The following GLT6D1 variants were observed in gnomAD, a reference collection of about 807,000 sequenced individuals.
GLT6D1 encodes glycosyltransferase 6 domain containing 1, also known as putative glycosyltransferase 6 domain-containing protein 1.
GLT6D1 carries 9 observed loss-of-function variants against 12.3 expected under a neutral mutation model. The observed-to-expected ratio is 0.73, with a 90% CI of 0.44 to 1.27. GLT6D1 has a LOEUF of 1.27. Ranked by LOEUF, GLT6D1 falls within the 50% of genes most tolerant of loss-of-function variation. The pLI, the probability that GLT6D1 is intolerant of heterozygous loss-of-function variation, is 0.00. For synonymous variants in GLT6D1, 128 were observed against 132.3 expected (o/e 0.97, Z 0.23); for missense variants, 335 against 346.2 (o/e 0.97, Z 0.26).
In GLT6D1 at chr9:135,624,731, T is replaced by C. The variant is rs1044943218; in HGVS notation, c.258-61A>G. On this transcript the variant is annotated intron_variant, in intron 4 of 4. Coordinates refer to ENST00000371763, the MANE Select transcript of GLT6D1 (RefSeq NM_182974.3). ...CTCTTTTTTCTTTTCTTTCTTTTTTTTTTTTTTTTTTTTTTTGAGATGGAG... is the reference window on the plus strand; with the variant it reads ...CTCTTTTTTCTTTTCTTTCTTTTTTCTTTTTTTTTTTTTTTTGAGATGGAG... 21 of 665,128 alleles carry C rather than the reference T, an allele frequency of 3.2e-5. No homozygotes were observed. In the East Asian group the frequency reaches 3.3e-4, roughly 10 times the overall value. 41.2% of individuals were successfully genotyped at this position (665,128 alleles called of 1,614,324 possible).
At position 135,624,213 on chromosome 9, in the gene GLT6D1, T is replaced by C. The variant is rs1159193062; in HGVS notation, c.715A>G (p.Ile239Val). 6 of 1,609,272 alleles carry C rather than the reference T, an allele frequency of 3.7e-6. No individual in the cohort carries two copies. Among genetic ancestry groups the C allele is most frequent in the Non-Finnish European group, 4.2e-6 (5 of 1,178,580 alleles). Residue 239 changes from isoleucine to valine, a missense_variant, in exon 5 of 5, where the codon ATT becomes GTT. Ile to Val is a conservative substitution (Grantham distance 29). Transcript: ENST00000371763. ...NLMVGGTPHN[I>V]LDFIKEYLNG... ...AGATATTCTTTGATGAAGTCTAAAA[T>C]ATTATGGGGTGTGCCACCAACCATC...
chr9:135,624,507 T>G lies in GLT6D1; in HGVS notation c.421A>C (p.Arg141=), dbSNP rs749992683. 6.2e-7 allele frequency: 1 copy of G among 1,614,056 alleles called. No individual in the cohort carries two copies. Among genetic ancestry groups the G allele is most frequent in the East Asian group, 2.2e-5 (1 of 44,870 alleles). ...ACCAGGGGGCCATCGAGCCACCACC[T>G]CTCGGTGCCCACTTTAAATGCTTTG... The part of the protein sequence containing the change: ...TFKAFKVGTE[R]WWLDGPLVHV... The change falls in exon 5 of 5, where the codon AGG becomes CGG. Residue 141 remains arginine (R), a synonymous_variant. Coordinates refer to ENST00000371763, the MANE Select transcript of GLT6D1 (RefSeq NM_182974.3).
In GLT6D1 at chr9:135,624,174, G is replaced by A. The variant is rs1385789922; in HGVS notation, c.754C>T (p.His252Tyr). Residue 252 changes from histidine to tyrosine, a missense_variant, in exon 5 of 5, where the codon CAT (histidine) becomes TAT (tyrosine). His to Tyr is a moderately conservative substitution (Grantham distance 83). Transcript: ENST00000371763. ...FIKEYLNGVI[H>Y]DIKNGLNSTY... ...CTATTGAGTCCATTTTTGATGTCAT[G>A]AATAACTCCGTTCAGATATTCTTTG... 1 of 1,613,080 alleles carries A rather than the reference G, an allele frequency of 6.2e-7. No individual in the cohort carries two copies. The highest frequency in any genetic ancestry group is 8.5e-7 in the Non-Finnish European group (1 of 1,179,650).
At chr9:135,630,131 C>T (rs140614818) in intron 3 of GLT6D1, among the ~76,000 whole-genome samples, 2 of 152,226 alleles carry the variant, frequency 1.3e-5, no homozygotes, top group East Asian at 1.9e-4. Flanking sequence ...TTTGGCCAGG[C>T]GTGGTGGCTC....
intron 4 of GLT6D1, 60 bp downstream of exon 4, chr9:135,626,009 T>G (rs1245603878): frequency 6.3e-7 from 1 of 1,579,984 alleles, no homozygotes; most frequent in African/African-American, 1.4e-5. Flanking sequence ...GGTTAAAGGC[T>G]CGTGAATGCT....
upstream of GLT6D1, among the ~76,000 whole-genome samples, chr9:135,641,183 T>C (rs1163096450): frequency 6.6e-6 from 1 of 152,130 alleles, no homozygotes; most frequent in African/African-American, 2.4e-5. Flanking sequence ...TTTTGGTCTG[T>C]GTCGTGTCAC....
chr9:135,632,154 A>G (rs1209956820), intron 2 of GLT6D1, among the ~76,000 whole-genome samples: 2 of 64,974 alleles, frequency 3.1e-5, no homozygotes, highest in African/African-American at 7.1e-5. Context: ...TTTTTTTGAG[A>G]CAGGCTCTCA....
In GLT6D1 at chr9:135,624,182, C is replaced by T; in HGVS notation, c.746G>A (p.Gly249Glu). The T allele has an allele frequency of 4.3e-6, 7 of 1,612,746 alleles. No homozygotes were observed. Among genetic ancestry groups the T allele is most frequent in the Non-Finnish European group, 5.1e-6 (6 of 1,179,576 alleles). ...TCCATTTTTGATGTCATGAATAACT[C>T]CGTTCAGATATTCTTTGATGAAGTC... is the stretch of plus-strand genomic sequence containing the variant. Reference protein sequence around the residue: ...ILDFIKEYLNGVIHDIKNGLN... With the variant: ...ILDFIKEYLNEVIHDIKNGLN... The change falls in exon 5 of 5, where the codon GGA becomes GAA. Residue 249 changes from glycine to glutamate, a missense_variant. Physicochemically the swap from Gly to Glu is moderately conservative, Grantham distance 98 (BLOSUM62 -2). Transcript: ENST00000371763.
chr9:135,635,358 C>G lies in GLT6D1; in HGVS notation c.71+3759G>C, dbSNP rs74999813. On this transcript the variant is annotated intron_variant, in intron 2 of 4. Transcript: ENST00000371763. The stretch of plus-strand genomic sequence containing the variant: ...CCATCCCTCCTGGCACTATGAGATG[C>G]TCTGGGCTCATCTTGTAAATCTCCT... 5.3e-5 allele frequency among the ~76,000 whole-genome samples: 8 copies of G among 152,330 alleles called. No homozygotes were observed. In the South Asian group the frequency reaches 1.7e-3, roughly 32 times the overall value.
At position 135,626,252 on chromosome 9, in the gene GLT6D1, G is replaced by T. The variant is rs760531068; in HGVS notation, c.120-46C>A. 4 of 1,603,288 alleles carry T rather than the reference G, an allele frequency of 2.5e-6. No individual in the cohort carries two copies. The Admixed American group carries it at 6.8e-5, about 27-fold the overall frequency. On this transcript the variant is annotated intron_variant, in intron 3 of 4. Transcript: ENST00000371763. ...TAAACAGGGAGTGCTTTACTGAGGC[G>T]CCGGCAGCAGGTGCCGAGCAGTAAT...
At chr9:135,631,349 G>C in intron 3 of GLT6D1, 82 bp downstream of exon 3, 1 of 1,098,370 alleles carries the variant, frequency 9.1e-7, no homozygotes, top group Non-Finnish European at 1.4e-6. Context: ...GCTGAATTTG[G>C]TGACTGGGGA....
intron 3 of GLT6D1, among the ~76,000 whole-genome samples, chr9:135,629,753 A>G (rs1163087773): frequency 6.6e-6 from 1 of 152,144 alleles, no homozygotes; most frequent in African/African-American, 2.4e-5. Flanking sequence ...TTTGCTTCAT[A>G]TGTTTTAGGA....
intron 3 of GLT6D1, among the ~76,000 whole-genome samples, chr9:135,628,683 G>A (rs1833571870): frequency 6.6e-6 from 1 of 152,030 alleles, no homozygotes; most frequent in Non-Finnish European, 1.5e-5. Context: ...ATTTGACATA[G>A]TTTACCAATG....
At chr9:135,631,611 A>G in intron 2 of GLT6D1, 133 bp from the exon 3 acceptor site, 1 of 723,522 alleles carries the variant, frequency 1.4e-6, no homozygotes, top group Non-Finnish European at 2.5e-6. Flanking sequence ...AGCCTCCCAG[A>G]GAAGAGATAT....
intron 3 of GLT6D1, among the ~76,000 whole-genome samples, chr9:135,630,110 T>G (rs1230141266): frequency 6.6e-6 from 1 of 152,158 alleles, no homozygotes; most frequent in Non-Finnish European, 1.5e-5. Flanking sequence ...ATTTTCTATA[T>G]GTCATGTAAT....
At chr9:135,641,186 C>T (rs143249330), upstream of GLT6D1, among the ~76,000 whole-genome samples, 3 of 152,196 alleles carry the variant, frequency 2.0e-5, no homozygotes, top group African/African-American at 4.8e-5. Flanking sequence ...TGGTCTGTGT[C>T]GTGTCACAAA....
At chr9:135,631,957 CA>C (rs1833658249) in intron 2 of GLT6D1, among the ~76,000 whole-genome samples, 1 of 152,160 alleles carries the variant, frequency 6.6e-6, no homozygotes, top group South Asian at 2.1e-4. Context: ...ACTGCAGCCT[CA>C]AACCCCTGAG....
rs911947687 is a variant in GLT6D1, at chr9:135,633,330, A to G, written c.72-1852T>C. On this transcript the variant is annotated intron_variant, in intron 2 of 4. Transcript: ENST00000371763. ...AGTGGTATGATCTCAACTCACTGCA[A>G]CCTCCACCTCCCGGGTTTAAGCAAT... 6.6e-5 allele frequency among the ~76,000 whole-genome samples: 10 copies of G among 151,802 alleles called. No individual in the cohort carries two copies. In the South Asian group the frequency reaches 1.7e-3, roughly 25 times the overall value.
chr9:135,637,885 C>T (rs1399325475), intron 2 of GLT6D1, among the ~76,000 whole-genome samples: 1 of 152,172 alleles, frequency 6.6e-6, no homozygotes, highest in Non-Finnish European at 1.5e-5. Context: ...TGTCATGATA[C>T]TACTGCTGTT....
Sources: allele counts gnomAD v4.1 joint callset (sites outside exome capture counted in the v4.1 genomes callset), GRCh38; gene constraint gnomAD v4.1.1; transcripts MANE v1.5; gene names NCBI Gene and HGNC (gene_info 2026-07-23, HGNC 2026-07-21).